SYNE3: variants seen among roughly 807,000 people sequenced by gnomAD.
SYNE3 encodes spectrin repeat containing nuclear envelope family member 3.
SYNE3 carries 100 observed loss-of-function variants against 111.2 expected under a neutral mutation model. The observed-to-expected ratio is 0.90, with a 90% CI of 0.77 to 1.06. The LOEUF is 1.06. Ranked by LOEUF, SYNE3 falls within the 50% of genes least tolerant of loss-of-function variation. SYNE3 has a pLI of 0.00. For synonymous variants in SYNE3, 547 were observed against 533.9 expected, an observed-to-expected ratio of 1.02 and a Z score of -0.34; for missense variants, 1,160 against 1,240.3, an observed-to-expected ratio of 0.94 and a Z score of 0.97.
intron 1 of SYNE3, among the ~76,000 whole-genome samples, chr14:95,503,091 G>A (rs1321719153): frequency 6.6e-6 from 1 of 152,238 alleles, no homozygotes; most frequent in Admixed American, 6.5e-5. Context: ...AATCCCATTA[G>A]CAAGCCTCTA....
chr14:95,444,329 G>A, intron 10 of SYNE3, 156 bp downstream of exon 10: 1 of 926,048 alleles, frequency 1.1e-6, no homozygotes, highest in Non-Finnish European at 1.5e-6. Context: ...AATAAGCAGA[G>A]GTTCTGTTGA....
intron 15 of SYNE3, among the ~76,000 whole-genome samples, chr14:95,435,569 T>C (rs1366577243): frequency 2.0e-5 from 3 of 151,994 alleles, no homozygotes; most frequent in Admixed American, 6.6e-5. Context: ...TTAAGAAAGA[T>C]TGTTAGTAGA....
At chr14:95,419,328 A>G (rs2139335651) in intron 17 of SYNE3, among the ~76,000 whole-genome samples, 1 of 152,330 alleles carries the variant, frequency 6.6e-6, no homozygotes, top group South Asian at 2.1e-4. Flanking sequence ...CTGCTCTGCA[A>G]AATGGGGATC....
Position 95,439,598 on chromosome 14 carries a change from G to A in SYNE3, c.2246+14C>T. ...TGTCCCAGACAACGCTCAGAGCCTAGGAGGCACTCTCACCTCAGCAGACTT... is the reference window on the plus strand; with the variant it reads ...TGTCCCAGACAACGCTCAGAGCCTAAGAGGCACTCTCACCTCAGCAGACTT... On this transcript the variant is annotated intron_variant, in intron 13 of 17. Coordinates refer to ENST00000682763, the MANE Select transcript of SYNE3 (RefSeq NM_152592.6). The A allele has an allele frequency of 1.2e-6, 2 of 1,605,292 alleles. No homozygotes were observed. The highest frequency in any genetic ancestry group is 2.2e-5 in the South Asian group (2 of 91,082).
In SYNE3 at chr14:95,417,560, A is replaced by G; in HGVS notation, c.*266T>C. 1 of 515,350 alleles carries G rather than the reference A, an allele frequency of 1.9e-6. No individual in the cohort carries two copies. Among genetic ancestry groups the G allele is most frequent in the South Asian group, 2.3e-5 (1 of 43,062 alleles). 31.9% of individuals were successfully genotyped at this position (515,350 alleles called of 1,614,324 possible). A position where few individuals can be genotyped will look rare whatever the true frequency, so the allele number is the denominator to read the frequency against. ...AAATAGAACTCGTATATGAAATTAT[A>G]CATACTGAGCATTTACATACAGATC... is the stretch of plus-strand genomic sequence containing the variant. On this transcript the variant is annotated 3_prime_UTR_variant, in exon 18 of 18. Transcript: ENST00000682763.
chr14:95,455,113 A>T (rs1887329891), intron 6 of SYNE3, among the ~76,000 whole-genome samples: 1 of 152,154 alleles, frequency 6.6e-6, no homozygotes, highest in Admixed American at 6.5e-5. Flanking sequence ...CTCTGCTGTT[A>T]TTTATTCACA....
At chr14:95,472,371 C>A (rs1888580687) in intron 2 of SYNE3, among the ~76,000 whole-genome samples, 1 of 152,032 alleles carries the variant, frequency 6.6e-6, no homozygotes, top group South Asian at 2.1e-4. Context: ...AGCAAGACTC[C>A]CTCTCAATAA....
rs1394780090 is a variant in SYNE3 at position 95,455,448 on chromosome 14, G to A, written c.1066C>T (p.Gln356Ter). 1.2e-6 allele frequency: 2 copies of A among 1,606,764 alleles called. No homozygotes were observed. The highest frequency in any genetic ancestry group is 3.4e-5 in the Admixed American group (2 of 58,830). The change falls in exon 6 of 18, where the codon CAG becomes TAG. Residue 356 changes from glutamine (Q) to a stop codon, truncating the protein, a stop_gained. Coordinates refer to ENST00000682763, the MANE Select transcript of SYNE3 (RefSeq NM_152592.6). LOFTEE classifies it high-confidence loss of function. ...TTCGCCGCAGGCTGCAGGCCCTCCT[G>A]GGCCAGCCTCTGCAGGACCATCCTG... The part of the protein sequence containing the change: ...EFRMVLQRLA[Q>*]EGLQPAAKAG...
intron 1 of SYNE3, among the ~76,000 whole-genome samples, chr14:95,510,243 TCACAGTGCAG>T (rs1242963398): frequency 6.6e-6 from 1 of 152,124 alleles, no homozygotes. Context: ...ACAAATGGAT[TCACAGTGCAG>T]CAACTGACCA....
chr14:95,446,894 G>A (rs1425403815), intron 8 of SYNE3, among the ~76,000 whole-genome samples: 2 of 152,176 alleles, frequency 1.3e-5, no homozygotes, highest in African/African-American at 4.8e-5. Context: ...CCAAGCCTCC[G>A]ACTCCTGTTG....
chr14:95,473,821 G>C (rs1171926636), intron 2 of SYNE3, among the ~76,000 whole-genome samples: 1 of 135,204 alleles, frequency 7.4e-6, no homozygotes, highest in East Asian at 2.2e-4. Flanking sequence ...ACTAAGGCTG[G>C]TGTGAGCTTG....
At chr14:95,467,655 G>T in intron 3 of SYNE3, 140 bp downstream of exon 3, 1 of 991,100 alleles carries the variant, frequency 1.0e-6, no homozygotes, top group Non-Finnish European at 1.5e-6. Flanking sequence ...AGGCAGGGCT[G>T]GCCCTAATCC....
intron 15 of SYNE3, among the ~76,000 whole-genome samples, chr14:95,436,348 T>C (rs980820573): frequency 2.6e-5 from 4 of 152,080 alleles, no homozygotes; most frequent in African/African-American, 9.7e-5. Context: ...GCCACAGGAG[T>C]ATACGAGATG....
At chr14:95,493,047 G>GA (rs1258262573) in intron 1 of SYNE3, among the ~76,000 whole-genome samples, 1 of 152,090 alleles carries the variant, frequency 6.6e-6, no homozygotes, top group African/African-American at 2.4e-5. Flanking sequence ...CAAGATTCTT[G>GA]AACACCTTCA....
chr14:95,454,097 A>G (rs1887259740), intron 6 of SYNE3, among the ~76,000 whole-genome samples: 1 of 152,256 alleles, frequency 6.6e-6, no homozygotes, highest in East Asian at 1.9e-4. Context: ...CCTGAAACAG[A>G]TGAGGGTCCT....
chr14:95,438,724 C>CT, intron 14 of SYNE3: 1 of 269,406 alleles, frequency 3.7e-6, no homozygotes, highest in Admixed American at 4.6e-5. Context: ...CTTTCAGCCC[C>CT]GACACTCTCT....
At chr14:95,512,778 A>C (rs1320491346) in intron 1 of SYNE3, among the ~76,000 whole-genome samples, 1 of 151,958 alleles carries the variant, frequency 6.6e-6, no homozygotes, top group African/African-American at 2.4e-5. Flanking sequence ...GAATGGCGTA[A>C]ACCCGGCAGG....
At position 95,428,084 on chromosome 14, in the gene SYNE3, G is replaced by A. The variant is rs114759603; in HGVS notation, c.2727+3995C>T. 1.3e-3 allele frequency among the ~76,000 whole-genome samples: 192 copies of A among 152,314 alleles called. 2 individuals carry two copies. Among genetic ancestry groups the A allele is most frequent in the African/African-American group, 4.3e-3 (180 of 41,554 alleles). On this transcript the variant is annotated intron_variant, in intron 17 of 17. Transcript: ENST00000682763. The stretch of plus-strand genomic sequence containing the variant: ...AGCCCACATCAATATGGGGGACCAA[G>A]GGAGCTGCACCTTCAATGTAAGGAG...
At chr14:95,494,748 C>T (rs1317080446) in intron 1 of SYNE3, among the ~76,000 whole-genome samples, 1 of 152,174 alleles carries the variant, frequency 6.6e-6, no homozygotes, top group Non-Finnish European at 1.5e-5. Context: ...AAGTCACATG[C>T]TAGGAAATGC....
Sources: allele counts gnomAD v4.1 joint callset (sites outside exome capture counted in the v4.1 genomes callset), GRCh38; gene constraint gnomAD v4.1.1; transcripts MANE v1.5; gene names NCBI Gene and HGNC (gene_info 2026-07-23, HGNC 2026-07-21).